The following TCF4 variants were observed in gnomAD, a reference collection of about 807,000 sequenced individuals.
The protein encoded by TCF4 is SL3-3 enhancer factor 2.
A neutral mutation model predicts 82.1 loss-of-function variants in TCF4; 3 were observed. The observed-to-expected ratio is 0.04, with a 90% CI of 0.02 to 0.09. The LOEUF is 0.09. Ranked by LOEUF, TCF4 falls within the 10% of genes least tolerant of loss-of-function variation. The pLI, the probability that TCF4 is intolerant of heterozygous loss-of-function variation, is 1.00. For missense variants in TCF4, 518 were observed against 852.7 expected, an observed-to-expected ratio of 0.61 and a Z score of 4.89; for synonymous variants, 276 against 309.6, an observed-to-expected ratio of 0.89 and a Z score of 1.14.
intron 15 of TCF4, among the ~76,000 whole-genome samples, chr18:55,241,675 T>G (rs2051277910): frequency 6.6e-6 from 1 of 152,360 alleles, no homozygotes; most frequent in African/African-American, 2.4e-5. Flanking sequence ...CCCATTGGCC[T>G]TTATTTCTTA....
intron 11 of TCF4, among the ~76,000 whole-genome samples, chr18:55,263,908 A>C (rs948766881): frequency 1.3e-5 from 2 of 152,086 alleles, no homozygotes; most frequent in African/African-American, 4.8e-5. Flanking sequence ...AAAAAGAACA[A>C]GATATTGCTT....
At chr18:55,463,867 T>C (rs2095930970) in intron 4 of TCF4, among the ~76,000 whole-genome samples, 1 of 151,696 alleles carries the variant, frequency 6.6e-6, no homozygotes, top group Non-Finnish European at 1.5e-5. Flanking sequence ...GGAAAAAAAT[T>C]CCAAAGTCAA....
intron 2 of TCF4, among the ~76,000 whole-genome samples, chr18:55,600,660 G>A (rs1310254017): frequency 6.6e-6 from 1 of 152,176 alleles, no homozygotes; most frequent in Non-Finnish European, 1.5e-5. Context: ...ACAGTATACA[G>A]GCTTTGCCAC....
intron 6 of TCF4, among the ~76,000 whole-genome samples, chr18:55,355,112 T>C (rs1407043021): frequency 1.3e-5 from 2 of 152,194 alleles, no homozygotes; most frequent in South Asian, 2.1e-4. Context: ...AAGTGATGTA[T>C]AGTGGCTTTG....
chr18:55,447,561 CA>C (rs1196353496), intron 5 of TCF4, among the ~76,000 whole-genome samples: 1 of 152,068 alleles, frequency 6.6e-6, no homozygotes, highest in Non-Finnish European at 1.5e-5. Flanking sequence ...CTGTACGAAC[CA>C]AAGACTCATT....
intron 2 of TCF4, among the ~76,000 whole-genome samples, chr18:55,608,212 C>T (rs2097703910): frequency 6.6e-6 from 1 of 152,044 alleles, no homozygotes; most frequent in Non-Finnish European, 1.5e-5. Context: ...TTTTAATATA[C>T]TGATATTTTG....
At chr18:55,475,760 T>C (rs1288533742) in intron 3 of TCF4, among the ~76,000 whole-genome samples, 1 of 152,232 alleles carries the variant, frequency 6.6e-6, no homozygotes, top group Non-Finnish European at 1.5e-5. Context: ...CTGAAGTTTC[T>C]GTTCTATTTG....
chr18:55,352,502 T>C (rs554506577), intron 6 of TCF4, among the ~76,000 whole-genome samples: 6 of 152,260 alleles, frequency 3.9e-5, no homozygotes, highest in Admixed American at 1.3e-4. Flanking sequence ...TACTTCAAAA[T>C]ACAACTTCAA....
chr18:55,522,275 C>G (rs2096939362), intron 3 of TCF4, among the ~76,000 whole-genome samples: 1 of 152,016 alleles, frequency 6.6e-6, no homozygotes, highest in Non-Finnish European at 1.5e-5. Context: ...CTCAACATCA[C>G]AGAATATATT....
intron 14 of TCF4, 86 bp downstream of exon 14, chr18:55,257,229 T>C (rs2057067716): frequency 1.8e-5 from 26 of 1,414,554 alleles, no homozygotes; most frequent in South Asian, 4.6e-5. Flanking sequence ...ACAGGGAAAA[T>C]CAAAATCTTG....
chr18:55,620,795 C>T (rs72932792), intron 2 of TCF4, among the ~76,000 whole-genome samples: 9,599 of 135,318 alleles, frequency 0.071, 433 homozygotes, highest in Middle Eastern at 0.1. Flanking sequence ...ATATTTTGTC[C>T]AGTTCTTTTT....
intron 6 of TCF4, among the ~76,000 whole-genome samples, chr18:55,378,888 G>A (rs73492937): frequency 0.03 from 4,550 of 152,308 alleles, 92 homozygotes; most frequent in Non-Finnish European, 0.036. Context: ...AAGAGAAGAC[G>A]TAGGGAACTT....
At position 55,350,423 on chromosome 18, in the gene TCF4, AG is replaced by A. The variant is rs1232042379; in HGVS notation, c.500-16del. 2 of 1,613,404 alleles carry A rather than the reference AG, an allele frequency of 1.2e-6. No homozygotes were observed. On this transcript the variant is annotated splice_polypyrimidine_tract_variant and intron_variant, in intron 7 of 19. Coordinates refer to ENST00000354452, the MANE Select transcript of TCF4 (RefSeq NM_001083962.2). Reference sequence around the variant, plus strand: ...TGTCTGTACCTCTGAAAGAAAATGAAGATGCTTTCAGCTCCCAAATGCCCAT... The same window carrying A: ...TGTCTGTACCTCTGAAAGAAAATGAAATGCTTTCAGCTCCCAAATGCCCAT...
At chr18:55,476,453 G>GT (rs538974754) in intron 3 of TCF4, among the ~76,000 whole-genome samples, 2 of 148,794 alleles carry the variant, frequency 1.3e-5, no homozygotes, top group South Asian at 2.1e-4. Context: ...AGCCCTCGTT[G>GT]TTTTTTTGTT....
At chr18:55,463,193 C>T (rs546499900) in intron 4 of TCF4, among the ~76,000 whole-genome samples, 1 of 152,266 alleles carries the variant, frequency 6.6e-6, no homozygotes, top group African/African-American at 2.4e-5. Context: ...ATCATAAAAA[C>T]TGACATGGAT....
intron 3 of TCF4, among the ~76,000 whole-genome samples, chr18:55,480,296 A>AAAGGG (rs1568175293): frequency 4.7e-5 from 3 of 63,350 alleles, no homozygotes; most frequent in Non-Finnish European, 9.0e-5. Flanking sequence ...AAAAAAAAAA[A>AAAGGG]GCGGGGGGGC....
chr18:55,309,044 A>T (rs980460685), intron 8 of TCF4, among the ~76,000 whole-genome samples: 2 of 152,130 alleles, frequency 1.3e-5, no homozygotes, highest in Non-Finnish European at 2.9e-5. Flanking sequence ...GCAACCAAGG[A>T]AGTGATCTTT....
At chr18:55,281,712 C>CTT (rs374898660) in intron 8 of TCF4, among the ~76,000 whole-genome samples, 1 of 144,850 alleles carries the variant, frequency 6.9e-6, no homozygotes, top group Non-Finnish European at 1.5e-5. Context: ...TATCCTTTTT[C>CTT]TTTTTTTTTT....
intron 8 of TCF4, chr18:55,302,465 C>A: frequency 3.3e-6 from 5 of 1,536,224 alleles, no homozygotes; most frequent in Non-Finnish European, 4.4e-6. Flanking sequence ...ATCTGAGCAT[C>A]TGCATTGTTT....
Sources: gnomAD v4.1 joint callset for allele counts (sites outside exome capture counted in the v4.1 genomes callset) on GRCh38, gnomAD v4.1.1 for gene constraint, MANE v1.5 for transcripts, NCBI Gene and HGNC (gene_info 2026-07-23, HGNC 2026-07-21) for gene names.